Variants in COL18A1 observed in about 807,000 individuals in gnomAD.
COL18A1 encodes the protein collagen type XVIII alpha 1 chain, also known as collagen alpha-1(XVIII) chain.
Under a neutral mutation model 168.0 loss-of-function variants are expected in COL18A1, and 133 were observed. That is an observed-to-expected ratio of 0.79 (90% CI 0.69 to 0.91). The LOEUF (loss-of-function observed/expected upper bound fraction) is 0.91, where lower values mean the gene tolerates loss of function less well. Ranked by LOEUF, COL18A1 falls within the 40% of genes least tolerant of loss-of-function variation. The pLI, the probability that COL18A1 is intolerant of heterozygous loss-of-function variation, is 0.00. For missense variants in COL18A1, 2,126 were observed against 1,925.4 expected, an observed-to-expected ratio of 1.10 and a Z score of -1.95; for synonymous variants, 949 against 809.0, an observed-to-expected ratio of 1.17 and a Z score of -2.94.
At chr21:45,489,305 C>G (rs1412690359) in intron 18 of COL18A1, among the ~76,000 whole-genome samples, 181 bp from the exon 19 acceptor site, 1 of 152,190 alleles carries the variant, frequency 6.6e-6, no homozygotes, top group Non-Finnish European at 1.5e-5. Flanking sequence ...CTTCAGCCAG[C>G]CTGGGCCCAC....
intron 2 of COL18A1, among the ~76,000 whole-genome samples, chr21:45,449,560 G>C (rs1165725811): frequency 6.6e-6 from 1 of 152,160 alleles, no homozygotes; most frequent in Non-Finnish European, 1.5e-5. Context: ...GTGGGGGAGA[G>C]AATGGGCTTA....
intron 37 of COL18A1, chr21:45,506,363 T>C: frequency 2.8e-6 from 1 of 352,968 alleles, no homozygotes; most frequent in South Asian, 2.2e-5. Context: ...GGGGGCAGGC[T>C]GTCCCGTGGC....
intron 9 of COL18A1, among the ~76,000 whole-genome samples, chr21:45,479,011 G>A (rs373994788): frequency 9.2e-4 from 140 of 152,334 alleles, no homozygotes; most frequent in African/African-American, 3.2e-3. Context: ...TGAGGACCAC[G>A]GCAGACAAAG....
chr21:45,488,370 A>G, intron 17 of COL18A1, 48 bp from the exon 18 acceptor site: 1 of 1,613,424 alleles, frequency 6.2e-7, no homozygotes, highest in Non-Finnish European at 8.5e-7. Context: ...CGCATCTCAC[A>G]GCAGGGCCTC....
chr21:45,488,908 C>T (rs1428038580), intron 18 of COL18A1, among the ~76,000 whole-genome samples: 1 of 151,850 alleles, frequency 6.6e-6, no homozygotes, highest in East Asian at 2.0e-4. Flanking sequence ...GAAGACCCCA[C>T]CCCACCCAGG....
Position 45,495,439 on chromosome 21 carries a change from G to A in COL18A1, c.2508+7G>A. 1.2e-6 allele frequency: 2 copies of A among 1,603,562 alleles called. No homozygotes were observed. Among genetic ancestry groups the A allele is most frequent in the Non-Finnish European group, 1.7e-6 (2 of 1,174,346 alleles). On this transcript the variant is annotated splice_region_variant and intron_variant, in intron 29 of 41. Coordinates refer to ENST00000651438, the MANE Select transcript of COL18A1 (RefSeq NM_001379500.1). ...CCTTGGATTTGGCATGAGGGTGAGT[G>A]TCTCTCAAGGGGCGGACTGGGTGGC...
Position 45,435,901 on chromosome 21 carries a change from C to T in COL18A1, c.106+30428C>T, listed in dbSNP as rs2034083573. On this transcript the variant is annotated intron_variant, in intron 2 of 41. Coordinates refer to ENST00000651438, the MANE Select transcript of COL18A1 (RefSeq NM_001379500.1). Reference sequence around the variant, plus strand: ...CTCTTCCCATCAGTAACTCCGTGTGCCCCTCTCTTGAGCCCCTGTGAGATG... The same window carrying T: ...CTCTTCCCATCAGTAACTCCGTGTGTCCCTCTCTTGAGCCCCTGTGAGATG... Among the ~76,000 whole-genome samples, 5 of 152,186 alleles carry T rather than the reference C, an allele frequency of 3.3e-5. No individual in the cohort carries two copies. In the South Asian group the frequency reaches 1.0e-3, roughly 31 times the overall value.
intron 2 of COL18A1, among the ~76,000 whole-genome samples, chr21:45,442,076 G>T (rs1261995380): frequency 6.6e-6 from 1 of 152,220 alleles, no homozygotes; most frequent in African/African-American, 2.4e-5. Context: ...GTCCTGCGGG[G>T]AGGCCCATTT....
intron 2 of COL18A1, among the ~76,000 whole-genome samples, chr21:45,418,304 C>G (rs2033505950): frequency 6.6e-6 from 1 of 152,192 alleles, no homozygotes; most frequent in South Asian, 2.1e-4. Context: ...CGTGCCCTTC[C>G]CACGCCTGCC....
At chr21:45,496,713 A>G in intron 30 of COL18A1, 145 bp downstream of exon 30, 5 of 706,788 alleles carry the variant, frequency 7.1e-6, no homozygotes, top group Non-Finnish European at 1.3e-5. Context: ...GTGGATTAGC[A>G]GCTGAGTTCC....
At chr21:45,440,046 G>A (rs1463611854) in intron 2 of COL18A1, among the ~76,000 whole-genome samples, 2 of 152,240 alleles carry the variant, frequency 1.3e-5, no homozygotes, top group Non-Finnish European at 2.9e-5. Context: ...CTGGCAGGCC[G>A]TGGGCCGCAT....
Position 45,443,577 on chromosome 21 carries a change from A to C in COL18A1, c.107-24665A>C, listed in dbSNP as rs62216305. 6.6e-6 allele frequency among the ~76,000 whole-genome samples: 1 copy of C among 151,858 alleles called. No homozygotes were observed. The highest frequency in any genetic ancestry group is 1.5e-5 in the Non-Finnish European group (1 of 67,930). ...GGACCTAGGAGGTCCCGGGGTGTGG[A>C]CTGTGCTGAACTGTTCTCCGACAGG... On this transcript the variant is annotated intron_variant, in intron 2 of 41. Coordinates refer to ENST00000651438, the MANE Select transcript of COL18A1 (RefSeq NM_001379500.1). The surrounding 1 kb of genome is among the most constrained non-coding windows in gnomAD (Gnocchi z 5.2).
At chr21:45,508,048 G>A (rs1383334962) in intron 38 of COL18A1, among the ~76,000 whole-genome samples, 1 of 151,474 alleles carries the variant, frequency 6.6e-6, no homozygotes, top group Non-Finnish European at 1.5e-5. Flanking sequence ...TACGTAGGTA[G>A]ATGGGGAGGT....
chr21:45,437,157 GAC>G lies in COL18A1; in HGVS notation c.107-31081_107-31080del, dbSNP rs201385621. 4.5e-4 allele frequency among the ~76,000 whole-genome samples: 38 copies of G among 84,166 alleles called. 3 individuals carry two copies. Among genetic ancestry groups the G allele is most frequent in the African/African-American group, 1.7e-3 (27 of 15,972 alleles). 55.2% of individuals were successfully genotyped at this position (84,166 alleles called of 152,430 possible). ...CACTCTCCACACACACTCACACTCA[GAC>G]ACAGGCACTCTCCTGCACACACACT... is the stretch of plus-strand genomic sequence containing the variant. On this transcript the variant is annotated intron_variant, in intron 2 of 41. Coordinates refer to ENST00000651438, the MANE Select transcript of COL18A1 (RefSeq NM_001379500.1).
rs773822704 is a variant in COL18A1, at chr21:45,504,407, C to G, written c.2728-9C>G. On this transcript the variant is annotated splice_polypyrimidine_tract_variant and intron_variant, in intron 33 of 41. Transcript: ENST00000651438. ...AGGGCTCCCGTGTAACAAGTGTTTCCGTCCACAGGGGGAGAAGGGAGACCG... is the reference window on the plus strand; with the variant it reads ...AGGGCTCCCGTGTAACAAGTGTTTCGGTCCACAGGGGGAGAAGGGAGACCG... 2 of 1,610,316 alleles carry G rather than the reference C, an allele frequency of 1.2e-6. No homozygotes were observed. Among genetic ancestry groups the G allele is most frequent in the East Asian group, 2.2e-5 (1 of 44,842 alleles).
chr21:45,451,693 C>T (rs527986766), intron 2 of COL18A1, among the ~76,000 whole-genome samples: 38 of 152,344 alleles, frequency 2.5e-4, no homozygotes, highest in African/African-American at 7.9e-4. Context: ...GCTGCTTCCT[C>T]TATGAAGTCA....
intron 2 of COL18A1, among the ~76,000 whole-genome samples, chr21:45,418,486 C>T (rs2033513436): frequency 6.6e-6 from 1 of 152,142 alleles, no homozygotes; most frequent in Non-Finnish European, 1.5e-5. Flanking sequence ...AGATGAATTC[C>T]CGGGCTGGCT....
intron 9 of COL18A1, among the ~76,000 whole-genome samples, chr21:45,479,488 GTGTGCACACA>G (rs1180563610): frequency 6.6e-6 from 1 of 151,940 alleles, no homozygotes; most frequent in Admixed American, 6.6e-5. Flanking sequence ...CACATACCAC[GTGTGCACACA>G]TGTGCACACC....
intron 16 of COL18A1, among the ~76,000 whole-genome samples, 162 bp downstream of exon 16, chr21:45,487,154 T>A (rs969941629): frequency 6.6e-6 from 1 of 152,038 alleles, no homozygotes; most frequent in African/African-American, 2.4e-5. Flanking sequence ...GGGGCTCGAG[T>A]CTCTCGCCCG....
Sources: gnomAD v4.1 joint callset for allele counts (sites outside exome capture counted in the v4.1 genomes callset) on GRCh38, gnomAD v4.1.1 for gene constraint, Gnocchi (gnomAD v3.1) non-coding constraint, MANE v1.5 for transcripts, NCBI Gene and HGNC (gene_info 2026-07-23, HGNC 2026-07-21) for gene names.